Variants in INPP4B observed in about 807,000 individuals in gnomAD.
The protein encoded by INPP4B is inositol polyphosphate 4-phosphatase type II.
INPP4B carries 55 observed loss-of-function variants against 122.5 expected under a neutral mutation model. The ratio of observed to expected loss-of-function variants is 0.45; its 90% CI spans 0.36 to 0.56. INPP4B has a LOEUF of 0.56. Ranked by LOEUF, INPP4B falls within the 20% of genes least tolerant of loss-of-function variation. The pLI is 0.00. For missense variants in INPP4B, 1,000 were observed against 1,097.7 expected (o/e 0.91, Z 1.26); for synonymous variants, 403 against 388.7 (o/e 1.04, Z -0.43).
At chr4:142,638,799 G>C (rs1332135298) in intron 2 of INPP4B, among the ~76,000 whole-genome samples, 1 of 151,964 alleles carries the variant, frequency 6.6e-6, no homozygotes. Context: ...ACCCACCTTG[G>C]CCTCCCAAAG....
chr4:142,823,510 T>C (rs551183620), intron 1 of INPP4B, among the ~76,000 whole-genome samples: 12 of 152,308 alleles, frequency 7.9e-5, no homozygotes, highest in Non-Finnish European at 1.5e-4. Flanking sequence ...TTTTAATATG[T>C]AGTCTTTTTG....
intron 12 of INPP4B, among the ~76,000 whole-genome samples, chr4:142,226,053 T>C (rs1851414186): frequency 6.6e-6 from 1 of 152,128 alleles, no homozygotes; most frequent in South Asian, 2.1e-4. Context: ...CAGCAAACCT[T>C]TGAAATAGTA....
chr4:142,460,523 T>C (rs3913166), intron 3 of INPP4B, among the ~76,000 whole-genome samples: 189 of 152,300 alleles, frequency 1.2e-3, no homozygotes, highest in Admixed American at 0.011. Flanking sequence ...TCTATTTTCT[T>C]TCTTTTCTTT....
At position 142,124,631 on chromosome 4, in the gene INPP4B, C is replaced by T. The variant is rs2152759390; in HGVS notation, c.1850G>A (p.Cys617Tyr). Reference sequence around the variant, plus strand: ...GTCTCTTCTTAGCGTCAGCATCAGACACTGGGGCAAGCTGTACGCAAGTTC... The same window carrying T: ...GTCTCTTCTTAGCGTCAGCATCAGATACTGGGGCAAGCTGTACGCAAGTTC... Reference protein sequence around the residue: ...LQELAYSLPQCLMLTLRRDIV... With the variant: ...LQELAYSLPQYLMLTLRRDIV... The change falls in exon 19 of 26, where the codon TGT (cysteine) becomes TAT (tyrosine). Residue 617 changes from cysteine to tyrosine, a missense_variant. Transcript: ENST00000262992. 1.2e-6 allele frequency: 2 copies of T among 1,613,542 alleles called. No homozygotes were observed. The highest frequency in any genetic ancestry group is 1.7e-6 in the Non-Finnish European group (2 of 1,179,666).
At chr4:142,530,223 A>G (rs1827430371) in intron 2 of INPP4B, among the ~76,000 whole-genome samples, 1 of 152,050 alleles carries the variant, frequency 6.6e-6, no homozygotes, top group African/African-American at 2.4e-5. Context: ...TGATCTTACA[A>G]TTCTGAAGGT....
At chr4:142,643,445 T>C (rs1750995441) in intron 2 of INPP4B, among the ~76,000 whole-genome samples, 1 of 152,098 alleles carries the variant, frequency 6.6e-6, no homozygotes, top group Admixed American at 6.6e-5. Context: ...AATGATTACA[T>C]TTAAGGAGGG....
At chr4:142,256,124 A>G (rs1196975378) in intron 11 of INPP4B, among the ~76,000 whole-genome samples, 1 of 149,100 alleles carries the variant, frequency 6.7e-6, no homozygotes, top group Non-Finnish European at 1.5e-5. Context: ...TAACGAAATG[A>G]AGGCAGAAAT....
At chr4:142,840,715 C>G (rs7656375) in intron 1 of INPP4B, among the ~76,000 whole-genome samples, 1 of 152,080 alleles carries the variant, frequency 6.6e-6, no homozygotes, top group East Asian at 1.9e-4. Flanking sequence ...AAGCATTGCA[C>G]ACTGCCACCT....
At chr4:142,275,899 G>C (rs1748165258) in intron 9 of INPP4B, among the ~76,000 whole-genome samples, 2 of 151,628 alleles carry the variant, frequency 1.3e-5, no homozygotes, top group South Asian at 4.1e-4. Flanking sequence ...ACTTGATCTT[G>C]ATTTTCTGAT....
intron 11 of INPP4B, among the ~76,000 whole-genome samples, chr4:142,258,293 G>A (rs1325858530): frequency 6.6e-6 from 1 of 152,002 alleles, no homozygotes. Flanking sequence ...ACAGGCATGG[G>A]CAAGGACTTC....
chr4:142,400,143 T>C (rs1486274281), intron 7 of INPP4B, among the ~76,000 whole-genome samples: 1 of 152,198 alleles, frequency 6.6e-6, no homozygotes, highest in Non-Finnish European at 1.5e-5. Context: ...TACAAATATG[T>C]ATGCAAATGA....
At chr4:142,421,119 C>T (rs988334923) in intron 5 of INPP4B, among the ~76,000 whole-genome samples, 1 of 152,112 alleles carries the variant, frequency 6.6e-6, no homozygotes, top group East Asian at 1.9e-4. Context: ...TGGCATCATA[C>T]TCCTAGTTCT....
At chr4:142,229,954 A>C (rs559033384) in intron 12 of INPP4B, among the ~76,000 whole-genome samples, 1 of 152,292 alleles carries the variant, frequency 6.6e-6, no homozygotes, top group Admixed American at 6.5e-5. Flanking sequence ...TTTTGAACAG[A>C]CTTTGATATT....
At chr4:142,845,489 C>A (rs1377835007) in intron 1 of INPP4B, among the ~76,000 whole-genome samples, 1 of 152,134 alleles carries the variant, frequency 6.6e-6, no homozygotes, top group Non-Finnish European at 1.5e-5. Flanking sequence ...GGCACTCTTG[C>A]GCCAAGGCCC....
At chr4:142,082,462 A>C (rs1215019674) in intron 24 of INPP4B, among the ~76,000 whole-genome samples, 5 of 152,212 alleles carry the variant, frequency 3.3e-5, no homozygotes, top group African/African-American at 1.2e-4. Flanking sequence ...GACGCAGCAC[A>C]CTACCCAAGG....
intron 11 of INPP4B, among the ~76,000 whole-genome samples, chr4:142,247,524 G>A (rs569890148): frequency 7.9e-5 from 12 of 152,238 alleles, no homozygotes. Context: ...TCTTGGGAGG[G>A]TGTATGTGCC....
chr4:142,469,109 T>C (rs1818342564), intron 2 of INPP4B, among the ~76,000 whole-genome samples: 1 of 151,754 alleles, frequency 6.6e-6, no homozygotes, highest in Non-Finnish European at 1.5e-5. Context: ...ATTCTCAACA[T>C]AGCCTTCAGG....
intron 2 of INPP4B, among the ~76,000 whole-genome samples, chr4:142,537,869 T>C (rs1828479196): frequency 6.6e-6 from 1 of 151,958 alleles, no homozygotes; most frequent in Admixed American, 6.6e-5. Flanking sequence ...TTTGAATTTT[T>C]CAAATCTGGG....
At chr4:142,618,798 G>T (rs182975235) in intron 2 of INPP4B, among the ~76,000 whole-genome samples, 1 of 151,944 alleles carries the variant, frequency 6.6e-6, no homozygotes, top group East Asian at 1.9e-4. Flanking sequence ...ACAATCTGTG[G>T]AATGGAGAAA....
Sources: allele counts gnomAD v4.1 joint callset (sites outside exome capture counted in the v4.1 genomes callset), GRCh38; gene constraint gnomAD v4.1.1; transcripts MANE v1.5; gene names NCBI Gene and HGNC (gene_info 2026-07-23, HGNC 2026-07-21).